The following QTMAN variants were observed in gnomAD, a reference collection of about 807,000 sequenced individuals.
The protein encoded by QTMAN is queuosine-tRNA mannosyltransferase.
chr2:144,004,622 G>C, the QTMAN span, among the ~76,000 whole-genome samples: 2 of 151,982 alleles, frequency 1.3e-5, no homozygotes, highest in Admixed American at 6.6e-5. Flanking sequence ...AATGGGCTTA[G>C]AACAGTAAAT....
chr2:144,108,819 C>A, the QTMAN span, among the ~76,000 whole-genome samples: 9 of 152,050 alleles, frequency 5.9e-5, no homozygotes, highest in African/African-American at 1.9e-4. Context: ...ACAATTGCTT[C>A]AAAGAGAATA....
At chr2:144,027,408 G>A in the QTMAN span, among the ~76,000 whole-genome samples, 2 of 152,054 alleles carry the variant, frequency 1.3e-5, no homozygotes, top group African/African-American at 4.8e-5. Context: ...TTCATTCTGG[G>A]CACAATTTTA....
chr2:143,981,205 CCT>C, the QTMAN span, among the ~76,000 whole-genome samples: 1 of 152,116 alleles, frequency 6.6e-6, no homozygotes, highest in Non-Finnish European at 1.5e-5. Flanking sequence ...TCAGAGAAAC[CCT>C]CTGACTCCAG....
chr2:143,963,282 T>C, the QTMAN span, among the ~76,000 whole-genome samples: 6 of 152,152 alleles, frequency 3.9e-5, no homozygotes, highest in South Asian at 6.2e-4. Context: ...GTTGATGCTA[T>C]TGCAAACCTT....
the QTMAN span, among the ~76,000 whole-genome samples, chr2:144,083,205 T>C: frequency 2.0e-5 from 3 of 152,226 alleles, no homozygotes; most frequent in Admixed American, 1.3e-4. Flanking sequence ...GGTTGCCTAC[T>C]GGCTTGGTTA....
the QTMAN span, among the ~76,000 whole-genome samples, chr2:144,255,250 C>G: frequency 6.6e-6 from 1 of 152,140 alleles, no homozygotes; most frequent in African/African-American, 2.4e-5. Flanking sequence ...TTCTCATTAT[C>G]CCTATGTGCC....
the QTMAN span, among the ~76,000 whole-genome samples, chr2:143,971,129 T>A: frequency 2.6e-5 from 4 of 151,764 alleles, no homozygotes; most frequent in Non-Finnish European, 5.9e-5. Context: ...TTTTTTTTTT[T>A]AATGTAAGAA....
At chr2:144,092,336 T>C in the QTMAN span, among the ~76,000 whole-genome samples, 1 of 152,006 alleles carries the variant, frequency 6.6e-6, no homozygotes, top group South Asian at 2.1e-4. Flanking sequence ...CCACCGTGCC[T>C]GGCTAATTTT....
the QTMAN span, chr2:144,145,534 A>G: frequency 6.7e-7 from 1 of 1,493,858 alleles, no homozygotes; most frequent in Non-Finnish European, 9.2e-7. Context: ...AGAAAAAGGT[A>G]GCAAAGGGCC....
the QTMAN span, among the ~76,000 whole-genome samples, chr2:144,003,199 C>T: frequency 6.6e-6 from 1 of 151,652 alleles, no homozygotes; most frequent in Non-Finnish European, 1.5e-5. Context: ...CTTTGGTATC[C>T]CAATAATTTT....
the QTMAN span, among the ~76,000 whole-genome samples, chr2:144,271,924 T>C: frequency 2.0e-5 from 3 of 152,212 alleles, no homozygotes; most frequent in African/African-American, 7.2e-5. Context: ...AGCTCCTACA[T>C]ACTCCTCCCT....
the QTMAN span, among the ~76,000 whole-genome samples, chr2:144,312,895 C>T: frequency 3.9e-5 from 6 of 152,200 alleles, 1 homozygote; most frequent in South Asian, 1.0e-3. Flanking sequence ...GAGGCCTCCC[C>T]AGCCATGCAG....
the QTMAN span, among the ~76,000 whole-genome samples, chr2:144,117,324 A>T: frequency 6.6e-6 from 1 of 151,804 alleles, no homozygotes; most frequent in South Asian, 2.1e-4. Flanking sequence ...ACCAAGTGAA[A>T]TCATCAATAC....
At chr2:144,027,542 GTA>G in the QTMAN span, among the ~76,000 whole-genome samples, 1 of 152,232 alleles carries the variant, frequency 6.6e-6, no homozygotes, top group African/African-American at 2.4e-5. Flanking sequence ...GTTCTGGGAT[GTA>G]TGTGTCACAG....
chr2:144,129,975 T>C, the QTMAN span, among the ~76,000 whole-genome samples: 2 of 151,838 alleles, frequency 1.3e-5, no homozygotes, highest in African/African-American at 4.8e-5. Flanking sequence ...TCATTTCTTT[T>C]TGTAAATGGA....
the QTMAN span, among the ~76,000 whole-genome samples, chr2:144,092,737 A>T: frequency 1.3e-5 from 2 of 152,200 alleles, no homozygotes; most frequent in Non-Finnish European, 1.5e-5. Context: ...CATATCTGCC[A>T]CAAGATCCTA....
the QTMAN span, among the ~76,000 whole-genome samples, chr2:144,217,885 G>A: frequency 6.6e-6 from 1 of 152,150 alleles, no homozygotes; most frequent in South Asian, 2.1e-4. Flanking sequence ...AGGTTCTCTT[G>A]ACAAAACAAT....
the QTMAN span, among the ~76,000 whole-genome samples, chr2:144,117,701 T>C: frequency 8.5e-5 from 13 of 152,222 alleles, no homozygotes; most frequent in Admixed American, 8.5e-4. Flanking sequence ...GGTTGATAAG[T>C]TAGTGTTTTC....
the QTMAN span, among the ~76,000 whole-genome samples, chr2:144,264,924 G>C: frequency 6.6e-6 from 1 of 152,252 alleles, no homozygotes; most frequent in East Asian, 1.9e-4. Context: ...AGAAATGCTG[G>C]GTAAACTTGA....
Sources: gnomAD v4.1 joint callset for allele counts (sites outside exome capture counted in the v4.1 genomes callset) on GRCh38, gnomAD v4.1.1 for gene constraint, MANE v1.5 for transcripts, NCBI Gene and HGNC (gene_info 2026-07-23, HGNC 2026-07-21) for gene names.